The following LRIG1 variants were observed in gnomAD, a reference collection of about 807,000 sequenced individuals.
LRIG1 encodes leucine-rich repeats and immunoglobulin-like domains protein 1.
In LRIG1, 48 loss-of-function variants were observed where a neutral mutation model predicts 99.2. The observed-to-expected ratio is 0.48, with a 90% CI of 0.38 to 0.62. LRIG1 has a LOEUF of 0.62. Among genes scored for constraint, LRIG1 ranks in the 20% least tolerant of loss-of-function variants. The pLI is 0.00. For synonymous variants in LRIG1, 772 were observed against 596.1 expected (o/e 1.29, Z -4.30); for missense variants, 1,646 against 1,434.4 (o/e 1.15, Z -2.38).
chr3:66,379,345 C>T lies in LRIG1; in HGVS notation c.*918G>A, dbSNP rs577220735. The T allele has an allele frequency of 1.1e-4, 17 of 152,434 alleles. No homozygotes were observed. The highest frequency in any genetic ancestry group is 3.4e-4 in the African/African-American group (14 of 41,502). The allele number at this position is 152,434 out of a possible 1,614,324, so 9.4% of individuals were successfully genotyped here. A position where few individuals can be genotyped will look rare whatever the true frequency, so the allele number is the denominator to read the frequency against. ...AGTCAGAACTTCCTCCTTTCTGTCC[C>T]CCAAGGCCAATGTAATACTCATTAT... On this transcript the variant is annotated 3_prime_UTR_variant, in exon 19 of 19. Transcript: ENST00000273261.
chr3:66,379,095 T>TTTTGGCCAAAGGAACA lies in LRIG1; in HGVS notation c.*1152_*1167dup, dbSNP rs1337417376. The TTTTGGCCAAAGGAACA allele has an allele frequency of 6.6e-6, 1 of 152,658 alleles. No individual in the cohort carries two copies. The highest frequency in any genetic ancestry group is 2.4e-5 in the African/African-American group (1 of 41,460). 9.5% of individuals were successfully genotyped at this position (152,658 alleles called of 1,614,324 possible). ...TATTTTCTCAGTAACTCCCTTCAGC[T>TTTTGGCCAAAGGAACA]TTTGGCCAAAGGAACATTTGAAGGA... is the stretch of plus-strand genomic sequence containing the variant. On this transcript the variant is annotated 3_prime_UTR_variant, in exon 19 of 19. Transcript: ENST00000273261.
At chr3:66,395,726 G>A (rs924058903) in intron 11 of LRIG1, among the ~76,000 whole-genome samples, 2 of 152,166 alleles carry the variant, frequency 1.3e-5, no homozygotes, top group Non-Finnish European at 2.9e-5. Flanking sequence ...CTGAGGAAAT[G>A]GTCAATTCCC....
intron 3 of LRIG1, among the ~76,000 whole-genome samples, chr3:66,440,186 T>A (rs1158294423): frequency 6.6e-6 from 1 of 152,096 alleles, no homozygotes; most frequent in African/African-American, 2.4e-5. Flanking sequence ...AGAGCTTTTT[T>A]AAAAAACCAC....
chr3:66,398,075 C>T lies in LRIG1; in HGVS notation c.1304+37G>A, dbSNP rs1462739645. On this transcript the variant is annotated intron_variant, in intron 11 of 18. Coordinates refer to ENST00000273261, the MANE Select transcript of LRIG1 (RefSeq NM_015541.3). ...AAGTTTCTTACTCTGAAAGTCTCCA[C>T]TACCATTAATCAGACCCAGGGAATC... 3.3e-6 allele frequency: 5 copies of T among 1,512,972 alleles called. No individual in the cohort carries two copies. In the South Asian group the frequency reaches 5.7e-5, roughly 17 times the overall value. The allele number at this position is 1,512,972 out of a possible 1,614,324, so 93.7% of individuals were successfully genotyped here.
chr3:66,428,942 C>T (rs934437072), intron 3 of LRIG1, among the ~76,000 whole-genome samples: 4 of 152,168 alleles, frequency 2.6e-5, no homozygotes, highest in Admixed American at 6.5e-5. Context: ...CTCAGCCTGG[C>T]TGCAGATGAC....
intron 1 of LRIG1, among the ~76,000 whole-genome samples, chr3:66,490,747 C>T (rs1391676792): frequency 6.6e-6 from 1 of 152,180 alleles, no homozygotes; most frequent in Non-Finnish European, 1.5e-5. Context: ...TTAAGCTTCA[C>T]AGATCCACCA....
chr3:66,391,410 T>C (rs1369426431), intron 12 of LRIG1, among the ~76,000 whole-genome samples: 1 of 152,202 alleles, frequency 6.6e-6, no homozygotes, highest in Non-Finnish European at 1.5e-5. Flanking sequence ...ATGTCCATCA[T>C]CTGATAAACG....
intron 1 of LRIG1, among the ~76,000 whole-genome samples, chr3:66,471,448 AG>A (rs1700593447): frequency 1.3e-5 from 2 of 152,080 alleles, no homozygotes; most frequent in South Asian, 2.1e-4. Flanking sequence ...TGCAGAACAG[AG>A]GGGGGTTGGA....
chr3:66,385,927 CAGG>C, intron 13 of LRIG1, 51 bp downstream of exon 13: 1 of 1,498,900 alleles, frequency 6.7e-7, no homozygotes, highest in South Asian at 1.2e-5. Context: ...AAAGGGCAAT[CAGG>C]AGTGTGCTTT....
chr3:66,451,181 T>C (rs1703891982), intron 3 of LRIG1, among the ~76,000 whole-genome samples: 2 of 152,106 alleles, frequency 1.3e-5, no homozygotes, highest in Admixed American at 1.3e-4. Flanking sequence ...CATTACCCAA[T>C]TCACTGGCAC....
chr3:66,500,348 A>G lies in LRIG1; in HGVS notation c.60T>C (p.Leu20=). 2 of 1,494,740 alleles carry G rather than the reference A, an allele frequency of 1.3e-6. No individual in the cohort carries two copies. Among genetic ancestry groups the G allele is most frequent in the Non-Finnish European group, 1.8e-6 (2 of 1,127,992 alleles). 92.6% of individuals were successfully genotyped at this position (1,494,740 alleles called of 1,614,324 possible). A position where few individuals can be genotyped will look rare whatever the true frequency, so the allele number is the denominator to read the frequency against. ...CCAGCCGAAGCAAAAGCAGCCAGAGAAGGAGAAGGCAAGGCGAGCGGCGCG... is the reference window on the plus strand; with the variant it reads ...CCAGCCGAAGCAAAAGCAGCCAGAGGAGGAGAAGGCAAGGCGAGCGGCGCG... ...GAPRRSPCLL[L]LWLLLLRLEP... Residue 20 remains leucine, a synonymous_variant, in exon 1 of 19, where the codon CTT becomes CTC. Coordinates refer to ENST00000273261, the MANE Select transcript of LRIG1 (RefSeq NM_015541.3).
At chr3:66,449,236 T>C (rs1277940339) in intron 3 of LRIG1, among the ~76,000 whole-genome samples, 1 of 152,182 alleles carries the variant, frequency 6.6e-6, no homozygotes, top group Non-Finnish European at 1.5e-5. Flanking sequence ...CTAACCTAAC[T>C]TGCCAGCACT....
chr3:66,445,362 G>A (rs1339353426), intron 3 of LRIG1, among the ~76,000 whole-genome samples: 1 of 151,994 alleles, frequency 6.6e-6, no homozygotes, highest in African/African-American at 2.4e-5. Context: ...CTACGCGGGG[G>A]AAGCCTGTCC....
At chr3:66,473,748 T>A (rs1700654970) in intron 1 of LRIG1, among the ~76,000 whole-genome samples, 1 of 152,230 alleles carries the variant, frequency 6.6e-6, no homozygotes, top group Non-Finnish European at 1.5e-5. Flanking sequence ...TATCTCTAGC[T>A]AAGTATTTTA....
intron 5 of LRIG1, among the ~76,000 whole-genome samples, chr3:66,413,657 T>C (rs555845504): frequency 6.6e-6 from 1 of 152,316 alleles, no homozygotes; most frequent in South Asian, 2.1e-4. Context: ...CCAGATCCAT[T>C]AGCACCCCTG....
chr3:66,407,562 G>A (rs2106655447), intron 7 of LRIG1, 71 bp from the exon 8 acceptor site: 1 of 1,570,838 alleles, frequency 6.4e-7, no homozygotes, highest in South Asian at 1.1e-5. Context: ...ACCGGAAATT[G>A]GGCCACAGTC....
chr3:66,410,307 C>T, intron 6 of LRIG1, 35 bp from the exon 7 acceptor site: 1 of 1,564,956 alleles, frequency 6.4e-7, no homozygotes, highest in Non-Finnish European at 8.7e-7. Flanking sequence ...TGAAGAGGAG[C>T]TTTCACTCCC....
At chr3:66,491,570 A>G (rs888175689) in intron 1 of LRIG1, among the ~76,000 whole-genome samples, 5 of 152,372 alleles carry the variant, frequency 3.3e-5, no homozygotes, top group Middle Eastern at 3.4e-3. Context: ...CCCTTTGGAA[A>G]AACACAGTTA....
chr3:66,474,304 C>G (rs1219753897), intron 1 of LRIG1, among the ~76,000 whole-genome samples: 1 of 151,644 alleles, frequency 6.6e-6, no homozygotes, highest in Non-Finnish European at 1.5e-5. Context: ...GCCAAAGTCC[C>G]TAAAAACAAT....
Sources: allele counts gnomAD v4.1 joint callset (sites outside exome capture counted in the v4.1 genomes callset), GRCh38; gene constraint gnomAD v4.1.1; transcripts MANE v1.5; gene names NCBI Gene and HGNC (gene_info 2026-07-23, HGNC 2026-07-21).